Variants in RBM26 observed in about 807,000 individuals in gnomAD.
The protein encoded by RBM26 is RNA-binding protein 26.
A neutral mutation model predicts 123.6 loss-of-function variants in RBM26; 30 were observed. The observed-to-expected ratio is 0.24, with a 90% CI of 0.18 to 0.33. The LOEUF is 0.33. Ranked by LOEUF, RBM26 falls within the 10% of genes least tolerant of loss-of-function variation. The probability of loss-of-function intolerance (pLI) is 1.00; values close to 1 mark genes in which losing one functional copy is unlikely to be tolerated. For synonymous variants in RBM26, 400 were observed against 404.4 expected (o/e 0.99, Z 0.13); for missense variants, 947 against 1,203.6 (o/e 0.79, Z 3.15).
At chr13:79,387,842 A>G (rs2077617158) in intron 1 of RBM26, among the ~76,000 whole-genome samples, 1 of 152,192 alleles carries the variant, frequency 6.6e-6, no homozygotes, top group South Asian at 2.1e-4. Context: ...TAATAGAAAC[A>G]TTTTGTGTAT....
intron 3 of RBM26, among the ~76,000 whole-genome samples, chr13:79,373,369 AATAT>A (rs1192673602): frequency 9.6e-6 from 1 of 103,972 alleles, no homozygotes; most frequent in African/African-American, 3.9e-5. Flanking sequence ...ATAAATATAT[AATAT>A]ATATTATATA....
At chr13:79,342,207 T>C (rs975745644) in intron 17 of RBM26, among the ~76,000 whole-genome samples, 4 of 151,772 alleles carry the variant, frequency 2.6e-5, no homozygotes, top group African/African-American at 7.2e-5. Flanking sequence ...AGTATAAACA[T>C]TGTATAACCC....
intron 21 of RBM26, 96 bp downstream of exon 21, chr13:79,322,253 A>G: frequency 1.3e-6 from 1 of 762,226 alleles, no homozygotes. Flanking sequence ...GTCAGGAATA[A>G]AAGTTTTATG....
chr13:79,355,630 T>C (rs1227059041), intron 11 of RBM26, among the ~76,000 whole-genome samples: 3 of 152,224 alleles, frequency 2.0e-5, no homozygotes, highest in Non-Finnish European at 2.9e-5. Flanking sequence ...AAATGTTACA[T>C]ATAGGCATTC....
intron 1 of RBM26, among the ~76,000 whole-genome samples, chr13:79,392,516 T>G (rs892192439): frequency 6.8e-6 from 1 of 146,686 alleles, no homozygotes; most frequent in Non-Finnish European, 1.5e-5. Flanking sequence ...ATATTAGTTA[T>G]ATAATTATAT....
At chr13:79,390,830 G>C (rs1420846374) in intron 1 of RBM26, among the ~76,000 whole-genome samples, 1 of 152,060 alleles carries the variant, frequency 6.6e-6, no homozygotes, top group African/African-American at 2.4e-5. Flanking sequence ...GGAAAACCAG[G>C]CAGGAAAATT....
chr13:79,379,128 ATTAGT>A (rs1167245728), intron 1 of RBM26, among the ~76,000 whole-genome samples: 2 of 152,182 alleles, frequency 1.3e-5, no homozygotes, highest in African/African-American at 2.4e-5. Flanking sequence ...CCATCAGTAT[ATTAGT>A]TTAAACAGCA....
chr13:79,368,921 A>C lies in RBM26; in HGVS notation c.704T>G (p.Val235Gly). The change falls in exon 6 of 22, where the codon GTC (valine) becomes GGC (glycine). Residue 235 changes from valine to glycine, a missense_variant. By Grantham distance (109) the Val-to-Gly change is moderately radical. This residue lies in a region of RBM26 where 275 missense variants were observed against 361.0 expected (regional missense o/e 0.76). Coordinates refer to ENST00000438737, the MANE Select transcript of RBM26 (RefSeq NM_001366735.2). Reference protein sequence around the residue: ...TDPLENNYTPVSSVPSISSGH... With the variant: ...TDPLENNYTPGSSVPSISSGH... ...AGATGAAATACTAGGTACCGAAGAG[A>C]CTGGAGTATAATTATTTTCTAATGG... The C allele has an allele frequency of 1.2e-6, 2 of 1,610,822 alleles. No individual in the cohort carries two copies. Among genetic ancestry groups the C allele is most frequent in the Non-Finnish European group, 1.7e-6 (2 of 1,177,008 alleles).
chr13:79,320,296 G>A lies in RBM26; in HGVS notation c.*325C>T. On this transcript the variant is annotated 3_prime_UTR_variant, in exon 22 of 22. Transcript: ENST00000438737. ...AACAAAGTCCTCTAAGTTATAACAA[G>A]TATTGGTCATAAGTTTTCAGACCTA... is the stretch of plus-strand genomic sequence containing the variant. 1.0e-6 allele frequency: 1 copy of A among 994,456 alleles called. No individual in the cohort carries two copies. The highest frequency in any genetic ancestry group is 1.2e-6 in the Non-Finnish European group (1 of 832,930). 61.6% of individuals were successfully genotyped at this position (994,456 alleles called of 1,614,324 possible).
chr13:79,318,453 G>T (rs983803881), downstream of RBM26, among the ~76,000 whole-genome samples: 8 of 150,954 alleles, frequency 5.3e-5, no homozygotes, highest in Non-Finnish European at 8.9e-5. Context: ...TTATAAACAA[G>T]TAAAAAATTC....
chr13:79,373,464 ATATGTATAAATATAC>A (rs1566508125), intron 3 of RBM26, among the ~76,000 whole-genome samples: 1 of 66,340 alleles, frequency 1.5e-5, no homozygotes, highest in Non-Finnish European at 2.6e-5. Flanking sequence ...AATATATATA[ATATGTATAAATATAC>A]AAATATATAT....
intron 13 of RBM26, 36 bp from the exon 14 acceptor site, chr13:79,353,260 C>CCGTTT (rs2073514203): frequency 8.3e-7 from 1 of 1,212,026 alleles, no homozygotes; most frequent in Non-Finnish European, 1.2e-6. Context: ...CAGTGTTTCC[C>CCGTTT]CAAACATATA....
rs1368991722 is a variant in RBM26, at chr13:79,365,560, A to G, written c.1417+18T>C. The G allele has an allele frequency of 6.3e-7, 1 of 1,596,008 alleles. No homozygotes were observed. Among genetic ancestry groups the G allele is most frequent in the Non-Finnish European group, 8.6e-7 (1 of 1,167,262 alleles). On this transcript the variant is annotated intron_variant, in intron 9 of 21. Coordinates refer to ENST00000438737, the MANE Select transcript of RBM26 (RefSeq NM_001366735.2). ...TTATATTATGAAAATGACAGGAAGG[A>G]AAGATTAATTATAGTACCTCTGGGT...
At chr13:79,342,081 T>C (rs2071479907) in intron 17 of RBM26, among the ~76,000 whole-genome samples, 1 of 151,838 alleles carries the variant, frequency 6.6e-6, no homozygotes, top group Non-Finnish European at 1.5e-5. Context: ...AACGAAGTTG[T>C]CATTATGGGA....
intron 3 of RBM26, among the ~76,000 whole-genome samples, chr13:79,373,429 A>ATAT (rs1566507428): frequency 9.3e-3 from 27 of 2,902 alleles, no homozygotes; most frequent in East Asian, 0.047. Context: ...AATAAAATAT[A>ATAT]AATATATATT....
At position 79,349,365 on chromosome 13, in the gene RBM26, C is replaced by G. The variant is rs181064006; in HGVS notation, c.2058+3788G>C. 5.1e-3 allele frequency among the ~76,000 whole-genome samples: 776 copies of G among 152,244 alleles called. 5 individuals are homozygous for G. The highest frequency in any genetic ancestry group is 0.016 in the African/African-American group (671 of 41,542). On this transcript the variant is annotated intron_variant, in intron 14 of 21. Coordinates refer to ENST00000438737, the MANE Select transcript of RBM26 (RefSeq NM_001366735.2). ...CCCTGTCCTCAGCCACTGGTAACCA[C>G]CATTCTACTCTCTGCTTCTATGAGT...
rs757657138 is a variant in RBM26 at position 79,366,701 on chromosome 13, G to T, written c.1067C>A (p.Pro356Gln). Residue 356 changes from proline (P) to glutamine (Q), a missense_variant, in exon 7 of 22, where the codon CCA becomes CAA. Physicochemically the swap from Pro to Gln is moderately conservative, Grantham distance 76 (BLOSUM62 -1). Coordinates refer to ENST00000438737, the MANE Select transcript of RBM26 (RefSeq NM_001366735.2). ...TACTGGGGGCCTGAGATTCACAGGT[G>T]GGGGTGTAAGAATTGGTGGAGGTGG... Reference protein sequence around the residue: ...LPPPPPILTPPPVNLRPPVPP... With the variant: ...LPPPPPILTPQPVNLRPPVPP... 5.3e-5 allele frequency: 85 copies of T among 1,609,466 alleles called. No homozygotes were observed. The highest frequency in any genetic ancestry group is 6.8e-5 in the Non-Finnish European group (80 of 1,177,292).
intron 14 of RBM26, among the ~76,000 whole-genome samples, chr13:79,347,974 G>A (rs1479384599): frequency 6.6e-6 from 1 of 151,966 alleles, no homozygotes; most frequent in African/African-American, 2.4e-5. Flanking sequence ...CCTTTGCAGA[G>A]TGTTTAATGT....
At chr13:79,391,169 C>G (rs1594681945) in intron 1 of RBM26, among the ~76,000 whole-genome samples, 1 of 152,128 alleles carries the variant, frequency 6.6e-6, no homozygotes, top group Non-Finnish European at 1.5e-5. Flanking sequence ...TTCCATTTTG[C>G]CTCACTGACT....
Sources: allele counts gnomAD v4.1 joint callset (sites outside exome capture counted in the v4.1 genomes callset), GRCh38; gene constraint gnomAD v4.1.1; regional missense constraint gnomAD v4.1.1; transcripts MANE v1.5; gene names NCBI Gene and HGNC (gene_info 2026-07-23, HGNC 2026-07-21).